The following GOLGA8O variants were observed in gnomAD, a reference collection of about 807,000 sequenced individuals.
The protein encoded by GOLGA8O is golgin subfamily A member 8O.
GOLGA8O carries 4 observed loss-of-function variants against 29.7 expected under a neutral mutation model. The observed-to-expected ratio is 0.13, with a 90% CI of 0.07 to 0.31. GOLGA8O has a LOEUF of 0.31. Among genes scored for constraint, GOLGA8O ranks in the 10% least tolerant of loss-of-function variants. The pLI, the probability that GOLGA8O is intolerant of heterozygous loss-of-function variation, is 1.00. For missense variants in GOLGA8O, 32 were observed against 216.5 expected (o/e 0.15, Z 5.35); for synonymous variants, 6 against 78.0 (o/e 0.08, Z 4.87).
At position 32,445,715 on chromosome 15, in the gene GOLGA8O, C is replaced by T. The variant is rs762609380; in HGVS notation, c.1470G>A (p.Gln490=). Residue 490 remains glutamine (Q), a splice_region_variant and synonymous_variant, in exon 17 of 19, where the codon CAG becomes CAA. Transcript: ENST00000509311. ...FIQYWQERCH[Q]KIHHLLSEPG... ...GTTCTGATAAAAGGTGATGGATTTT[C>T]CTGCGGGAGGACAGGGCTCAGATTC... 1.2e-6 allele frequency: 1 copy of T among 811,108 alleles called. No individual in the cohort carries two copies. The highest frequency in any genetic ancestry group is 3.4e-5 in the East Asian group (1 of 28,992). The allele number at this position is 811,108 out of a possible 1,614,324, so 50.2% of individuals were successfully genotyped here.
chr15:32,460,835 C>A, the GOLGA8O span, among the ~76,000 whole-genome samples: 2 of 84,212 alleles, frequency 2.4e-5, no homozygotes, highest in African/African-American at 5.5e-5. Flanking sequence ...TGCACATATA[C>A]CCTGTGATCT....
At chr15:32,454,813 G>T in intron 1 of GOLGA8O, 1 of 221,494 alleles carries the variant, frequency 4.5e-6, no homozygotes, top group Non-Finnish European at 8.3e-6. Context: ...CTTCCAGCTG[G>T]AAATTTGTGC....
chr15:32,458,257 TC>T (rs1246345770), upstream of GOLGA8O, among the ~76,000 whole-genome samples: 2 of 64,852 alleles, frequency 3.1e-5, no homozygotes, highest in African/African-American at 8.1e-5. Flanking sequence ...GGCTAATCTG[TC>T]CCACAGCAAC....
chr15:32,459,254 T>C (rs1248695880), upstream of GOLGA8O, among the ~76,000 whole-genome samples: 3 of 73,440 alleles, frequency 4.1e-5, no homozygotes, highest in Admixed American at 1.3e-4. Context: ...GATCACATCA[T>C]TGTACTCCAG....
At chr15:32,450,618 AC>A (rs1412392151) in intron 8 of GOLGA8O, among the ~76,000 whole-genome samples, 1 of 151,676 alleles carries the variant, frequency 6.6e-6, no homozygotes, top group Non-Finnish European at 1.5e-5. Context: ...CCTTCACAGT[AC>A]AAGTACCCAA....
chr15:32,459,359 A>G (rs1261268253), upstream of GOLGA8O, among the ~76,000 whole-genome samples: 5 of 119,338 alleles, frequency 4.2e-5, 2 homozygotes, highest in African/African-American at 1.3e-4. Context: ...GAAAGGCTTT[A>G]AAAAGAAAAA....
chr15:32,458,752 ATCC>A (rs1167967361), upstream of GOLGA8O, among the ~76,000 whole-genome samples: 1 of 110,388 alleles, frequency 9.1e-6, no homozygotes, highest in East Asian at 2.4e-4. Context: ...GGCTCAAGCA[ATCC>A]TCCTGCCTCA....
At chr15:32,453,339 G>A (rs1473384015) in intron 2 of GOLGA8O, among the ~76,000 whole-genome samples, 1 of 77,036 alleles carries the variant, frequency 1.3e-5, no homozygotes, top group African/African-American at 5.8e-5. Flanking sequence ...CTTTCACCAG[G>A]CTGGAGTGCG....
chr15:32,451,502 T>A (rs1193684678), intron 5 of GOLGA8O, 99 bp downstream of exon 5: 4 of 1,592,828 alleles, frequency 2.5e-6, no homozygotes, highest in Non-Finnish European at 3.4e-6. Flanking sequence ...GTGAGCCTTC[T>A]TCCCCAAGCT....
the GOLGA8O span, among the ~76,000 whole-genome samples, chr15:32,460,783 A>G: frequency 1.1e-5 from 1 of 93,952 alleles, no homozygotes; most frequent in Non-Finnish European, 2.2e-5. Flanking sequence ...CCCAGAGCCC[A>G]CAAAGGCAGA....
chr15:32,459,494 A>G (rs1168005541), upstream of GOLGA8O, among the ~76,000 whole-genome samples: 34 of 104,626 alleles, frequency 3.2e-4, no homozygotes, highest in Admixed American at 2.4e-3. Flanking sequence ...AAACAAAACA[A>G]TATGAATAAG....
chr15:32,451,139 G>T lies in GOLGA8O; in HGVS notation c.460C>A (p.Arg154Ser), dbSNP rs1479181194. The T allele has an allele frequency of 5.7e-6, 5 of 875,068 alleles. No individual in the cohort carries two copies. In the East Asian group the frequency reaches 1.0e-4, roughly 18 times the overall value. 54.2% of individuals were successfully genotyped at this position (875,068 alleles called of 1,614,324 possible). A position where few individuals can be genotyped will look rare whatever the true frequency, so the allele number is the denominator to read the frequency against. The part of the protein sequence containing the change: ...ELNTDLYHME[R>S]SLRYFEEESK... ...CCACCTTCAAAGTATCTGAGAGAAC[G>T]TTCCATGTGGTACAGGTCCGTATTT... The change falls in exon 7 of 19, where the codon CGT becomes AGT. Residue 154 changes from arginine to serine, a missense_variant. By Grantham distance (110) the Arg-to-Ser change is moderately radical. Transcript: ENST00000509311.
At chr15:32,458,884 T>G (rs2055208978), upstream of GOLGA8O, among the ~76,000 whole-genome samples, 1 of 93,094 alleles carries the variant, frequency 1.1e-5, no homozygotes, top group African/African-American at 5.0e-5. Context: ...TGGGCTCAAG[T>G]GATCCTCCCA....
At chr15:32,458,260 CA>C (rs1470045635), upstream of GOLGA8O, among the ~76,000 whole-genome samples, 386 of 65,776 alleles carry the variant, frequency 5.9e-3, 46 homozygotes, top group Admixed American at 8.3e-3. Context: ...TAATCTGTCC[CA>C]CAGCAACCTG....
rs1566989421 is a variant in GOLGA8O, at chr15:32,445,572, A to AC, written c.1567+45dup. 27 of 5,764 alleles carry AC rather than the reference A, an allele frequency of 4.7e-3. 2 individuals carry two copies. The highest frequency in any genetic ancestry group is 9.5e-3 in the South Asian group (11 of 1,158). The allele number at this position is 5,764 out of a possible 1,614,324, so 0.4% of individuals were successfully genotyped here. A position where few individuals can be genotyped will look rare whatever the true frequency, so the allele number is the denominator to read the frequency against. On this transcript the variant is annotated intron_variant, in intron 17 of 18. Coordinates refer to ENST00000509311, the MANE Select transcript of GOLGA8O (RefSeq NM_001277308.1). ...CATGCCGCTGCCTGCGCCCACCCTCACACCCACCCCCACCCCCACCCCCAC... is the reference window on the plus strand; with the variant it reads ...CATGCCGCTGCCTGCGCCCACCCTCACCACCCACCCCCACCCCCACCCCCAC...
chr15:32,451,527 C>A, intron 5 of GOLGA8O, 74 bp downstream of exon 5: 3 of 1,597,270 alleles, frequency 1.9e-6, no homozygotes, highest in South Asian at 1.1e-5. Context: ...GTGGGTGAGA[C>A]GAGACTGGGG....
intron 8 of GOLGA8O, among the ~76,000 whole-genome samples, chr15:32,450,524 C>T (rs1158466207): frequency 5.0e-5 from 7 of 140,682 alleles, no homozygotes; most frequent in African/African-American, 1.9e-4. Flanking sequence ...TATGTACACA[C>T]ACACACACAC....
At chr15:32,451,556 C>G in intron 5 of GOLGA8O, 45 bp downstream of exon 5, 1 of 1,593,878 alleles carries the variant, frequency 6.3e-7, no homozygotes, top group Non-Finnish European at 8.5e-7. Context: ...TCTGAGTGCC[C>G]CCCAAACCCA....
chr15:32,451,528 G>A lies in GOLGA8O; in HGVS notation c.348+73C>T, dbSNP rs567912992. The A allele has an allele frequency of 6.6e-5, 106 of 1,597,328 alleles. 5 individuals are homozygous for A. In the East Asian group the frequency reaches 1.9e-3, roughly 29 times the overall value. On this transcript the variant is annotated intron_variant, in intron 5 of 18. Coordinates refer to ENST00000509311, the MANE Select transcript of GOLGA8O (RefSeq NM_001277308.1). ...TCCCCAAGCTGGGAGTGGGTGAGAC[G>A]AGACTGGGGCCTGTATGTCTGAGTG...
Sources: allele counts gnomAD v4.1 joint callset (sites outside exome capture counted in the v4.1 genomes callset), GRCh38; gene constraint gnomAD v4.1.1; transcripts MANE v1.5; gene names NCBI Gene and HGNC (gene_info 2026-07-23, HGNC 2026-07-21).